ZNF804A: variants seen among roughly 807,000 people sequenced by gnomAD.
ZNF804A encodes zinc finger protein 804A.
In ZNF804A, 2 loss-of-function variants were observed where a neutral mutation model predicts 16.5. That is an observed-to-expected ratio of 0.12 (90% CI 0.05 to 0.38). The LOEUF (loss-of-function observed/expected upper bound fraction) is 0.38. Among genes scored for constraint, ZNF804A ranks in the 10% least tolerant of loss-of-function variants. ZNF804A has a pLI of 0.99. For missense variants in ZNF804A, 1,473 were observed against 1,390.7 expected (o/e 1.06, Z -0.94); for synonymous variants, 534 against 489.6 (o/e 1.09, Z -1.20).
At chr2:184,637,380 ATAGACT>A (rs1305042049) in intron 1 of ZNF804A, among the ~76,000 whole-genome samples, 3 of 152,312 alleles carry the variant, frequency 2.0e-5, no homozygotes, top group African/African-American at 4.8e-5. Context: ...CTCTGGAGAA[ATAGACT>A]TAGGAGAATA....
chr2:184,772,578 G>A (rs1181276391), intron 1 of ZNF804A, among the ~76,000 whole-genome samples: 1 of 151,736 alleles, frequency 6.6e-6, no homozygotes, highest in Non-Finnish European at 1.5e-5. Flanking sequence ...TTGCCACTAT[G>A]ACCGTTTGTG....
At position 184,938,347 on chromosome 2, in the gene ZNF804A, T is replaced by C. The variant is rs1345431666; in HGVS notation, c.2951T>C (p.Met984Thr). The stretch of plus-strand genomic sequence containing the variant: ...GCTGAGGCCCTTCCACAAGGAAAGA[T>C]GAATGAGACACCAACTGAGTGGCTG... ...ELAEALPQGK[M>T]NETPTEWLRY... is the part of the protein sequence containing the mutation. Residue 984 changes from methionine (M) to threonine (T), a missense_variant, in exon 4 of 4, where the codon ATG becomes ACG. Physicochemically the swap from Met to Thr is moderately conservative, Grantham distance 81. Coordinates refer to ENST00000302277, the MANE Select transcript of ZNF804A (RefSeq NM_194250.2). 3.7e-6 allele frequency: 6 copies of C among 1,614,180 alleles called. No homozygotes were observed. The highest frequency in any genetic ancestry group is 1.1e-5 in the South Asian group (1 of 91,090).
chr2:184,735,655 AGG>A, intron 1 of ZNF804A, among the ~76,000 whole-genome samples: 1 of 152,316 alleles, frequency 6.6e-6, no homozygotes, highest in East Asian at 1.9e-4. Flanking sequence ...TCAATGTTGA[AGG>A]TAAAAAAATG....
intron 1 of ZNF804A, among the ~76,000 whole-genome samples, chr2:184,745,515 C>A (rs534301216): frequency 6.6e-6 from 1 of 151,652 alleles, no homozygotes; most frequent in South Asian, 2.1e-4. Flanking sequence ...TTATCACTAT[C>A]CTTCAGGGAA....
chr2:184,872,455 T>G (rs991936742), intron 2 of ZNF804A, among the ~76,000 whole-genome samples: 1 of 152,116 alleles, frequency 6.6e-6, no homozygotes. Context: ...GCTATTATAT[T>G]GCATTTCTGG....
chr2:184,853,170 C>A (rs1329993655), intron 1 of ZNF804A, among the ~76,000 whole-genome samples: 4 of 151,580 alleles, frequency 2.6e-5, no homozygotes, highest in African/African-American at 7.3e-5. Flanking sequence ...TAAATTTATG[C>A]CCATTATTTT....
chr2:184,674,849 T>TTTTTTA (rs1692396030), intron 1 of ZNF804A, among the ~76,000 whole-genome samples: 1 of 151,676 alleles, frequency 6.6e-6, no homozygotes, highest in South Asian at 2.1e-4. Flanking sequence ...AAAGTAAAAT[T>TTTTTTA]CCATGTCAAC....
At chr2:184,846,487 A>C (rs1186078598) in intron 1 of ZNF804A, among the ~76,000 whole-genome samples, 1 of 152,128 alleles carries the variant, frequency 6.6e-6, no homozygotes, top group Admixed American at 6.6e-5. Flanking sequence ...TAAAATTTTC[A>C]TATTAAAAAA....
intron 1 of ZNF804A, among the ~76,000 whole-genome samples, chr2:184,618,191 C>T (rs927256440): frequency 6.6e-6 from 1 of 151,960 alleles, no homozygotes; most frequent in African/African-American, 2.4e-5. Context: ...AATATTGCCT[C>T]CAAATATCAT....
At chr2:184,637,533 TGAAATTAGTTATGGCCA>T (rs1320400505) in intron 1 of ZNF804A, among the ~76,000 whole-genome samples, 1 of 152,190 alleles carries the variant, frequency 6.6e-6, no homozygotes, top group Admixed American at 6.5e-5. Flanking sequence ...TGTTTTCATC[TGAAATTAGTTATGGCCA>T]GGTTCCTAAT....
chr2:184,830,992 T>C (rs10170045), intron 1 of ZNF804A, among the ~76,000 whole-genome samples: 277 of 152,208 alleles, frequency 1.8e-3, no homozygotes, highest in African/African-American at 6.6e-3. Flanking sequence ...GTTATTGTGC[T>C]AGAATAAAGC....
intron 1 of ZNF804A, among the ~76,000 whole-genome samples, chr2:184,696,807 G>A (rs1037277880): frequency 2.0e-5 from 3 of 151,564 alleles, no homozygotes; most frequent in Admixed American, 2.0e-4. Context: ...TTACATAATT[G>A]TAATCAAATG....
intron 2 of ZNF804A, among the ~76,000 whole-genome samples, chr2:184,926,284 A>ATT (rs35842377): frequency 2.0e-5 from 3 of 150,156 alleles, no homozygotes; most frequent in African/African-American, 4.9e-5. Context: ...TCTAGGGTAA[A>ATT]TTTTTTTTTT....
At chr2:184,704,553 C>A (rs1444573926) in intron 1 of ZNF804A, among the ~76,000 whole-genome samples, 1 of 152,056 alleles carries the variant, frequency 6.6e-6, no homozygotes, top group African/African-American at 2.4e-5. Context: ...AGGTTAAGTT[C>A]TTGTGGAAGA....
At chr2:184,789,142 A>T (rs1356640697) in intron 1 of ZNF804A, among the ~76,000 whole-genome samples, 3 of 152,012 alleles carry the variant, frequency 2.0e-5, no homozygotes, top group Non-Finnish European at 4.4e-5. Context: ...GATCATGATT[A>T]TTGTTTTGTG....
chr2:184,737,195 C>A (rs1224982737), intron 1 of ZNF804A, among the ~76,000 whole-genome samples: 1 of 151,484 alleles, frequency 6.6e-6, no homozygotes, highest in Non-Finnish European at 1.5e-5. Flanking sequence ...TAGCTGGGAC[C>A]ACAGGCAATC....
At chr2:184,724,887 A>C (rs1693381482) in intron 1 of ZNF804A, among the ~76,000 whole-genome samples, 2 of 151,768 alleles carry the variant, frequency 1.3e-5, no homozygotes, top group African/African-American at 4.8e-5. Flanking sequence ...TTAGTTAGAG[A>C]GATGAAATAA....
chr2:184,893,294 A>G (rs1685015505), intron 2 of ZNF804A, among the ~76,000 whole-genome samples: 1 of 151,986 alleles, frequency 6.6e-6, no homozygotes, highest in African/African-American at 2.4e-5. Flanking sequence ...GTCCTAACCA[A>G]CTTAGGACTC....
At chr2:184,921,558 G>T (rs994811319) in intron 2 of ZNF804A, among the ~76,000 whole-genome samples, 1 of 152,066 alleles carries the variant, frequency 6.6e-6, no homozygotes, top group East Asian at 1.9e-4. Context: ...TTTGACACAG[G>T]CATGCAATGC....
Sources: allele counts gnomAD v4.1 joint callset (sites outside exome capture counted in the v4.1 genomes callset), GRCh38; gene constraint gnomAD v4.1.1; transcripts MANE v1.5; gene names NCBI Gene and HGNC (gene_info 2026-07-23, HGNC 2026-07-21).